TSPAN12: variants seen among roughly 807,000 people sequenced by gnomAD.
The protein encoded by TSPAN12 is tetraspanin-12.
Under a neutral mutation model 39.2 loss-of-function variants are expected in TSPAN12, and 19 were observed. The ratio of observed to expected loss-of-function variants is 0.49; its 90% CI spans 0.34 to 0.71. The LOEUF (loss-of-function observed/expected upper bound fraction) is 0.71, where lower values mean the gene tolerates loss of function less well. Among genes scored for constraint, TSPAN12 ranks in the 30% least tolerant of loss-of-function variants. The pLI, the probability that TSPAN12 is intolerant of heterozygous loss-of-function variation, is 0.01. For synonymous variants in TSPAN12, 119 were observed against 124.8 expected (o/e 0.95, Z 0.31); for missense variants, 314 against 359.9 (o/e 0.87, Z 1.03).
chr7:120,843,599 A>C (rs1562952410), intron 2 of TSPAN12, among the ~76,000 whole-genome samples: 1 of 152,132 alleles, frequency 6.6e-6, no homozygotes, highest in Non-Finnish European at 1.5e-5. Context: ...ACTTGCCCAC[A>C]GTTCCCATCT....
chr7:120,837,119 C>G (rs952408252), intron 4 of TSPAN12, among the ~76,000 whole-genome samples: 1 of 152,140 alleles, frequency 6.6e-6, no homozygotes, highest in African/African-American at 2.4e-5. Context: ...ATGTTATACT[C>G]TACTCAAATT....
chr7:120,791,772 G>A (rs998625285), intron 7 of TSPAN12, among the ~76,000 whole-genome samples: 1 of 152,040 alleles, frequency 6.6e-6, no homozygotes, highest in African/African-American at 2.4e-5. Flanking sequence ...TTTTAAAATG[G>A]TACAGTAAAT....
At position 120,838,867 on chromosome 7, in the gene TSPAN12, C is replaced by T. The variant is rs377299760; in HGVS notation, c.195G>A (p.Pro65=). 5.0e-6 allele frequency: 8 copies of T among 1,613,852 alleles called. No individual in the cohort carries two copies. Among genetic ancestry groups the T allele is most frequent in the Middle Eastern group, 1.6e-4 (1 of 6,082 alleles). ...VILTYFPVVH[P]VMIAVCCFLI... ...GGAAACAGCAAACAGCAATCATGAC[C>T]GGATGAACCACAGGAAAGTAAGTCA... Residue 65 remains proline (P), a synonymous_variant, in exon 4 of 8, where the codon CCG becomes CCA. Transcript: ENST00000222747.
At chr7:120,793,118 T>C (rs928930192) in intron 7 of TSPAN12, among the ~76,000 whole-genome samples, 1 of 152,214 alleles carries the variant, frequency 6.6e-6, no homozygotes, top group South Asian at 2.1e-4. Context: ...TCTTTAATTA[T>C]TCTCCTCTCT....
chr7:120,797,097 C>T (rs1190298502), intron 7 of TSPAN12, among the ~76,000 whole-genome samples: 1 of 152,214 alleles, frequency 6.6e-6, no homozygotes, highest in Non-Finnish European at 1.5e-5. Context: ...GCGGAGCTTG[C>T]AGTGAGCCGA....
In TSPAN12 at chr7:120,852,006, AT is replaced by A. The variant is rs1193862340; in HGVS notation, c.66+4691del. 2.6e-5 allele frequency among the ~76,000 whole-genome samples: 4 copies of A among 152,276 alleles called. No individual in the cohort carries two copies. In the East Asian group the frequency reaches 7.7e-4, roughly 29 times the overall value. On this transcript the variant is annotated intron_variant, in intron 2 of 7. Transcript: ENST00000222747. ...ATGTGTGATCTTGAATGTGCTATGG[AT>A]TGTTTCTTCTTAGACGCATTTATAG...
intron 7 of TSPAN12, among the ~76,000 whole-genome samples, chr7:120,802,845 C>T (rs567258775): frequency 3.9e-5 from 6 of 152,224 alleles, no homozygotes; most frequent in African/African-American, 9.6e-5. Context: ...GTGCAATTGT[C>T]GCTATATTTC....
intron 7 of TSPAN12, among the ~76,000 whole-genome samples, chr7:120,795,683 T>G (rs1252196281): frequency 6.6e-6 from 1 of 152,214 alleles, no homozygotes; most frequent in Non-Finnish European, 1.5e-5. Flanking sequence ...ATATTGATTA[T>G]CAGATGAAAA....
At chr7:120,810,431 ACT>A (rs1562941690) in intron 6 of TSPAN12, 30 bp downstream of exon 6, 10 of 1,356,820 alleles carry the variant, frequency 7.4e-6, no homozygotes, top group Non-Finnish European at 1.1e-5. Flanking sequence ...CACTTACTTC[ACT>A]CTCTCTACCT....
intron 7 of TSPAN12, among the ~76,000 whole-genome samples, chr7:120,792,330 T>C (rs1048239775): frequency 1.3e-5 from 2 of 152,180 alleles, no homozygotes; most frequent in African/African-American, 4.8e-5. Flanking sequence ...GAAGCTCGAC[T>C]AGGGAACAGC....
chr7:120,789,415 C>T (rs1301287319), intron 7 of TSPAN12, among the ~76,000 whole-genome samples: 2 of 152,158 alleles, frequency 1.3e-5, no homozygotes, highest in African/African-American at 2.4e-5. Context: ...TACTTAACAC[C>T]GGTTTGGTAA....
At chr7:120,854,288 A>G (rs918453415) in intron 2 of TSPAN12, among the ~76,000 whole-genome samples, 6 of 152,214 alleles carry the variant, frequency 3.9e-5, no homozygotes, top group African/African-American at 1.4e-4. Flanking sequence ...TGGTAGCAAT[A>G]GTAGCAGTAT....
intron 2 of TSPAN12, among the ~76,000 whole-genome samples, chr7:120,851,794 A>G (rs1794774300): frequency 6.6e-6 from 1 of 152,178 alleles, no homozygotes. Context: ...ACCTACCCAC[A>G]CCATCTCCTA....
At chr7:120,822,958 T>C (rs899473425) in intron 4 of TSPAN12, among the ~76,000 whole-genome samples, 9 of 152,010 alleles carry the variant, frequency 5.9e-5, no homozygotes, top group African/African-American at 1.9e-4. Flanking sequence ...AGCAAACGAG[T>C]GTCTTCAAAA....
intron 2 of TSPAN12, among the ~76,000 whole-genome samples, chr7:120,853,493 T>C (rs113146475): frequency 0.06 from 8,701 of 145,842 alleles, 551 homozygotes; most frequent in African/African-American, 0.15. Flanking sequence ...TATATATATA[T>C]ACACACACAT....
Position 120,815,748 on chromosome 7 carries a change from G to A in TSPAN12, c.341C>T (p.Thr114Ile), listed in dbSNP as rs755062544. Reference sequence around the variant, plus strand: ...ACTCACCATAAGTTCCTGTTCATATGTCCAAACGCCACAAGCCAGTTCTAC... The same window carrying A: ...ACTCACCATAAGTTCCTGTTCATATATCCAAACGCCACAAGCCAGTTCTAC... ...FCVELACGVW[T>I]YEQELMVPVQ... Residue 114 changes from threonine (T) to isoleucine (I), a missense_variant, in exon 5 of 8, where the codon ACA (threonine) becomes ATA (isoleucine). Physicochemically the swap from Thr to Ile is moderately conservative, Grantham distance 89. Coordinates refer to ENST00000222747, the MANE Select transcript of TSPAN12 (RefSeq NM_012338.4). The A allele has an allele frequency of 6.2e-6, 10 of 1,612,470 alleles. No individual in the cohort carries two copies. In the South Asian group the frequency reaches 8.8e-5, roughly 14 times the overall value.
intron 6 of TSPAN12, among the ~76,000 whole-genome samples, chr7:120,806,997 C>T (rs1216206557): frequency 6.6e-6 from 1 of 152,120 alleles, no homozygotes; most frequent in Non-Finnish European, 1.5e-5. Flanking sequence ...ACAGATTGAA[C>T]ATACACACTA....
At chr7:120,795,501 A>G (rs1793611465) in intron 7 of TSPAN12, among the ~76,000 whole-genome samples, 1 of 152,222 alleles carries the variant, frequency 6.6e-6, no homozygotes, top group Non-Finnish European at 1.5e-5. Context: ...TGAGTTTCTA[A>G]AATTGGAAGA....
chr7:120,853,425 TAAAG>T (rs1342636716), intron 2 of TSPAN12, among the ~76,000 whole-genome samples: 1 of 149,166 alleles, frequency 6.7e-6, no homozygotes, highest in East Asian at 2.0e-4. Context: ...AAAATAATCT[TAAAG>T]AACATTTTTA....
Sources: allele counts gnomAD v4.1 joint callset (sites outside exome capture counted in the v4.1 genomes callset), GRCh38; gene constraint gnomAD v4.1.1; transcripts MANE v1.5; gene names NCBI Gene and HGNC (gene_info 2026-07-23, HGNC 2026-07-21).